MTAP: variants seen among roughly 807,000 people sequenced by gnomAD.
The protein encoded by MTAP is methylthioadenosine phosphorylase, also known as S-methyl-5'-thioadenosine phosphorylase.
MTAP carries 33 observed loss-of-function variants against 33.6 expected under a neutral mutation model. The ratio of observed to expected loss-of-function variants is 0.98; its 90% CI spans 0.74 to 1.31. The LOEUF is 1.31. Among genes scored for constraint, MTAP ranks in the 40% most tolerant of loss-of-function variants. MTAP has a pLI of 0.00. For missense variants in MTAP, 367 were observed against 360.0 expected (o/e 1.02, Z -0.16); for synonymous variants, 148 against 125.7 (o/e 1.18, Z -1.19).
intron 1 of MTAP, among the ~76,000 whole-genome samples, chr9:21,875,925 A>G (rs776662577): frequency 3.9e-5 from 6 of 152,036 alleles, no homozygotes; most frequent in African/African-American, 1.2e-4. Context: ...TGGTAGTTCT[A>G]TTTTTAGCTC....
At chr9:21,920,671 G>A (rs557917525) in intron 1 of MTAP, among the ~76,000 whole-genome samples, 39 of 152,176 alleles carry the variant, frequency 2.6e-4, no homozygotes, top group African/African-American at 9.4e-4. Context: ...CAAACAATAT[G>A]GTCAAACTTG....
At chr9:21,819,893 G>A (rs1399037894) in intron 4 of MTAP, among the ~76,000 whole-genome samples, 6 of 152,220 alleles carry the variant, frequency 3.9e-5, no homozygotes, top group Non-Finnish European at 8.8e-5. Context: ...GATGGCCAGT[G>A]ATGATGAGCA....
At chr9:21,855,198 T>A (rs1453905319) in intron 6 of MTAP, among the ~76,000 whole-genome samples, 1 of 152,182 alleles carries the variant, frequency 6.6e-6, no homozygotes, top group Non-Finnish European at 1.5e-5. Flanking sequence ...TTTTTTGTTT[T>A]CAAGAAGGAA....
chr9:21,832,003 G>C (rs1322297728), intron 4 of MTAP, among the ~76,000 whole-genome samples: 2 of 152,176 alleles, frequency 1.3e-5, no homozygotes, highest in Non-Finnish European at 2.9e-5. Context: ...TCCTGGCTGT[G>C]CCGTGAAATT....
At chr9:21,906,449 A>G (rs996882846) in intron 1 of MTAP, among the ~76,000 whole-genome samples, 1 of 152,162 alleles carries the variant, frequency 6.6e-6, no homozygotes, top group Admixed American at 6.5e-5. Flanking sequence ...CCCAGAATGC[A>G]CGAGAGGAGA....
intron 1 of MTAP, among the ~76,000 whole-genome samples, chr9:21,811,158 C>T (rs1200557216): frequency 2.0e-5 from 3 of 152,198 alleles, no homozygotes; most frequent in African/African-American, 4.8e-5. Context: ...ATGAGCTAGT[C>T]TCAACCGCTT....
Position 21,854,810 on chromosome 9 carries a change from T to G in MTAP, c.630T>G (p.Ile210Met), listed in dbSNP as rs765113143. 1 of 1,614,150 alleles carries G rather than the reference T, an allele frequency of 6.2e-7. No homozygotes were observed. Residue 210 changes from isoleucine (I) to methionine (M), a missense_variant, in exon 6 of 8, where the codon ATT becomes ATG. Physicochemically the swap from Ile to Met is conservative, Grantham distance 10. Transcript: ENST00000644715. The stretch of plus-strand genomic sequence containing the variant: ...TGGTTCTTGCTAAGGAGGCTGGAAT[T>G]TGTTACGCAAGTATCGCCATGGCGA... The part of the protein sequence containing the change: ...PEVVLAKEAG[I>M]CYASIAMATD...
chr9:21,853,490 C>T (rs1587248672), intron 5 of MTAP, among the ~76,000 whole-genome samples: 1 of 152,178 alleles, frequency 6.6e-6, no homozygotes. Context: ...TTTCCCATTG[C>T]AGTGGCATAG....
intron 5 of MTAP, among the ~76,000 whole-genome samples, chr9:21,845,412 C>G (rs1219167370): frequency 2.6e-5 from 4 of 152,124 alleles, no homozygotes; most frequent in African/African-American, 9.7e-5. Flanking sequence ...ATCAAGAACT[C>G]AACCTGCTTT....
chr9:21,939,957 A>G (rs961877595), downstream of MTAP, among the ~76,000 whole-genome samples: 1 of 152,166 alleles, frequency 6.6e-6, no homozygotes, highest in Non-Finnish European at 1.5e-5. Flanking sequence ...GGTTTTAAAT[A>G]GAATATCATA....
chr9:21,816,888 C>A, intron 3 of MTAP, 116 bp downstream of exon 3: 1 of 810,038 alleles, frequency 1.2e-6, no homozygotes, highest in Non-Finnish European at 1.9e-6. Flanking sequence ...AGAATCAGAA[C>A]ATCTTAGTAA....
intron 5 of MTAP, among the ~76,000 whole-genome samples, chr9:21,840,682 T>G (rs990036168): frequency 1.3e-5 from 2 of 151,832 alleles, no homozygotes; most frequent in African/African-American, 2.4e-5. Flanking sequence ...AATTGGAGAG[T>G]GATGGCAGGG....
At chr9:21,802,856 C>G (rs913643362) in intron 1 of MTAP, 75 bp downstream of exon 1, 1 of 1,583,880 alleles carries the variant, frequency 6.3e-7, no homozygotes, top group African/African-American at 1.4e-5. Flanking sequence ...GGGACCGCGC[C>G]TCCGGGGGCC....
intron 1 of MTAP, among the ~76,000 whole-genome samples, chr9:21,887,751 C>G (rs571376060): frequency 1.1e-4 from 17 of 152,320 alleles, no homozygotes; most frequent in Admixed American, 9.8e-4. Flanking sequence ...GTTCCTATTT[C>G]TCCACATCCT....
intron 1 of MTAP, among the ~76,000 whole-genome samples, chr9:21,915,009 T>C (rs570525251): frequency 7.8e-5 from 2 of 25,488 alleles, no homozygotes; most frequent in African/African-American, 4.8e-4. Context: ...CTTTCCTTCC[T>C]TCCTTCCTTC....
At chr9:21,877,549 T>G (rs113131707) in intron 1 of MTAP, among the ~76,000 whole-genome samples, 1,529 of 152,238 alleles carry the variant, frequency 0.01, 28 homozygotes, top group African/African-American at 0.034. Context: ...CCTAGTTGAT[T>G]GAGAGTTTTT....
chr9:21,841,929 A>G lies in MTAP; in HGVS notation c.450+3919A>G. 1.3e-5 allele frequency among the ~76,000 whole-genome samples: 2 copies of G among 152,256 alleles called. 1 individual carries two copies. Among genetic ancestry groups the G allele is most frequent in the African/African-American group, 4.8e-5 (2 of 41,472 alleles). ...TAGCAATGGATCCAAACCAAGAGGAAATCTCTGAATTGCCAGATAAGGAAT... is the reference window on the plus strand; with the variant it reads ...TAGCAATGGATCCAAACCAAGAGGAGATCTCTGAATTGCCAGATAAGGAAT... On this transcript the variant is annotated intron_variant, in intron 5 of 7. Transcript: ENST00000644715.
At chr9:21,838,810 G>A (rs530878189) in intron 5 of MTAP, among the ~76,000 whole-genome samples, 24 of 152,296 alleles carry the variant, frequency 1.6e-4, no homozygotes, top group African/African-American at 5.5e-4. Flanking sequence ...TTGAAAGTCA[G>A]GTGCAACTCA....
chr9:21,838,230 AC>A (rs1825157986), intron 5 of MTAP, among the ~76,000 whole-genome samples: 1 of 152,166 alleles, frequency 6.6e-6, no homozygotes, highest in Admixed American at 6.5e-5. Flanking sequence ...GTTGCAACCT[AC>A]CTTTTTAATA....
Sources: allele counts gnomAD v4.1 joint callset (sites outside exome capture counted in the v4.1 genomes callset), GRCh38; gene constraint gnomAD v4.1.1; transcripts MANE v1.5; gene names NCBI Gene and HGNC (gene_info 2026-07-23, HGNC 2026-07-21).